CCND3: variants seen among roughly 807,000 people sequenced by gnomAD.
CCND3 encodes the protein G1/S-specific cyclin-D3.
In CCND3, 9 loss-of-function variants were observed where a neutral mutation model predicts 28.7. The ratio of observed to expected loss-of-function variants is 0.31; its 90% CI spans 0.19 to 0.55. CCND3 has a LOEUF of 0.55. Ranked by LOEUF, CCND3 falls within the 20% of genes least tolerant of loss-of-function variation. The probability of loss-of-function intolerance (pLI) is 0.93; values close to 1 mark genes in which losing one functional copy is unlikely to be tolerated. For synonymous variants in CCND3, 164 were observed against 163.9 expected, an observed-to-expected ratio of 1.00 and a Z score of 0.00; for missense variants, 315 against 385.8, an observed-to-expected ratio of 0.82 and a Z score of 1.54.
chr6:41,968,522 C>T (rs1761949244), intron 1 of CCND3, among the ~76,000 whole-genome samples: 1 of 151,928 alleles, frequency 6.6e-6, no homozygotes, highest in Non-Finnish European at 1.5e-5. Flanking sequence ...GCCCAGAAGT[C>T]CAAGCTATGA....
At chr6:41,951,610 A>C (rs1459766943) in intron 1 of CCND3, among the ~76,000 whole-genome samples, 1 of 150,650 alleles carries the variant, frequency 6.6e-6, no homozygotes, top group Non-Finnish European at 1.5e-5. Context: ...AGAAGAGAGA[A>C]GCAGGAAGAA....
intron 1 of CCND3, among the ~76,000 whole-genome samples, chr6:42,027,967 A>G (rs771287007): frequency 6.6e-6 from 1 of 152,090 alleles, no homozygotes; most frequent in Admixed American, 6.6e-5. Flanking sequence ...GGCTGGTCTC[A>G]AACTCCCGAC....
intron 1 of CCND3, among the ~76,000 whole-genome samples, chr6:41,985,286 T>A (rs1030268604): frequency 5.3e-5 from 8 of 151,406 alleles, no homozygotes; most frequent in African/African-American, 7.3e-5. Context: ...TTTTACAGTT[T>A]CAGGTCTCAG....
intron 1 of CCND3, among the ~76,000 whole-genome samples, chr6:41,994,939 G>A (rs1762753282): frequency 6.6e-6 from 1 of 151,938 alleles, no homozygotes; most frequent in Admixed American, 6.6e-5. Context: ...AGGCGTGGTG[G>A]CAGCCGCCTG....
At chr6:42,044,581 G>A (rs1379117932) in intron 1 of CCND3, among the ~76,000 whole-genome samples, 2 of 152,170 alleles carry the variant, frequency 1.3e-5, no homozygotes, top group Non-Finnish European at 2.9e-5. Flanking sequence ...AAAGTTCTAC[G>A]TTTTTTGAAA....
Position 42,045,076 on chromosome 6 carries a change from T to G in CCND3, c.-46+3425A>C, listed in dbSNP as rs192974947. 2.1e-3 allele frequency among the ~76,000 whole-genome samples: 315 copies of G among 151,974 alleles called. 1 individual carries two copies. Among genetic ancestry groups the G allele is most frequent in the East Asian group, 3.7e-3 (19 of 5,168 alleles). On this transcript the variant is annotated intron_variant, in intron 1 of 4. Transcript: ENST00000372988. ...ACCTTGGCCTCCCAAAGTGCTGGGA[T>G]TACAGGCGTGAGCCACTGTGCCCAG...
rs565574387 is a variant in CCND3, at chr6:41,988,798, A to T, written c.-45-48213T>A. The stretch of plus-strand genomic sequence containing the variant: ...ACTGCAAGCTCCGCCTCCCGGGTTC[A>T]CGCCATTCTCCTGCCTGAGGCTCCC... On this transcript the variant is annotated intron_variant, in intron 1 of 4. Coordinates refer to the CCND3 transcript ENST00000372988. Among the ~76,000 whole-genome samples the T allele has an allele frequency of 1.6e-4, 23 of 144,404 alleles. No individual in the cohort carries two copies. In the East Asian group the frequency reaches 4.2e-3, roughly 27 times the overall value. 94.7% of individuals were successfully genotyped at this position (144,404 alleles called of 152,430 possible).
chr6:42,048,635 C>G lies in CCND3; in HGVS notation c.-180G>C, dbSNP rs142318552. ...CGAGGAGAGGATTGCACCTCTCCCC[C>G]CCGGCCGGCATCCGAACAGAGCCAG... On this transcript the variant is annotated 5_prime_UTR_variant, in exon 1 of 5. Coordinates refer to the CCND3 transcript ENST00000372988. This position sits in a 1 kb window ranked among gnomAD's most constrained non-coding sequence, Gnocchi z 4.7. The G allele has an allele frequency of 5.0e-4, 260 of 518,252 alleles. 1 individual carries two copies. Among genetic ancestry groups the G allele is most frequent in the African/African-American group, 2.7e-3 (141 of 52,062 alleles). 32.1% of individuals were successfully genotyped at this position (518,252 alleles called of 1,614,324 possible).
At chr6:41,942,660 C>G (rs1561953936), upstream of CCND3, among the ~76,000 whole-genome samples, 1 of 152,112 alleles carries the variant, frequency 6.6e-6, no homozygotes, top group Admixed American at 6.5e-5. Context: ...TGCACAGACT[C>G]TGTGAGATCT....
upstream of CCND3, among the ~76,000 whole-genome samples, chr6:41,945,350 C>T (rs1265451197): frequency 6.6e-6 from 1 of 152,194 alleles, no homozygotes; most frequent in Non-Finnish European, 1.5e-5. Flanking sequence ...CTTGTCTCTA[C>T]TAAAAATACA....
At chr6:41,986,964 T>C (rs1350983039) in intron 1 of CCND3, among the ~76,000 whole-genome samples, 1 of 152,092 alleles carries the variant, frequency 6.6e-6, no homozygotes, top group Non-Finnish European at 1.5e-5. Flanking sequence ...CTTCATAGTA[T>C]AATATGCTAC....
At chr6:41,976,528 C>T (rs1015520458) in intron 1 of CCND3, among the ~76,000 whole-genome samples, 30 of 152,078 alleles carry the variant, frequency 2.0e-4, no homozygotes, top group Admixed American at 5.2e-4. Context: ...TGGCACACAC[C>T]TGTAGTCTCA....
At chr6:42,017,118 T>G (rs574530791) in intron 1 of CCND3, among the ~76,000 whole-genome samples, 1 of 152,300 alleles carries the variant, frequency 6.6e-6, no homozygotes, top group African/African-American at 2.4e-5. Context: ...TTTCTGTCCC[T>G]TGCCCTGGCC....
chr6:41,935,294 C>CAATT lies in CCND3; in HGVS notation c.*642_*645dup, dbSNP rs776899963. 4 of 233,798 alleles carry CAATT rather than the reference C, an allele frequency of 1.7e-5. No homozygotes were observed. Among genetic ancestry groups the CAATT allele is most frequent in the Non-Finnish European group, 2.5e-5 (3 of 118,198 alleles). 14.5% of individuals were successfully genotyped at this position (233,798 alleles called of 1,614,324 possible). ...TGTCCTCTTAAAGTTGTGCTCAAAG[C>CAATT]AATTAATAAATTAAAATGAGCCTTC... On this transcript the variant is annotated 3_prime_UTR_variant, in exon 5 of 5. Coordinates refer to ENST00000372991, the MANE Select transcript of CCND3 (RefSeq NM_001760.5).
intron 1 of CCND3, among the ~76,000 whole-genome samples, chr6:42,027,879 C>G (rs1022712850): frequency 6.6e-6 from 1 of 152,130 alleles, no homozygotes; most frequent in African/African-American, 2.4e-5. Flanking sequence ...TCCCAAGTAG[C>G]TGGGATTACA....
intron 1 of CCND3, among the ~76,000 whole-genome samples, chr6:42,044,316 TCAG>T: frequency 6.6e-6 from 1 of 152,236 alleles, no homozygotes. Flanking sequence ...CTGAAACCAG[TCAG>T]CGCCTGAAGA....
intron 1 of CCND3, among the ~76,000 whole-genome samples, chr6:42,043,365 G>A (rs1055277500): frequency 3.3e-5 from 5 of 152,152 alleles, no homozygotes; most frequent in Non-Finnish European, 7.3e-5. Context: ...GTGAAACCTC[G>A]TCAAAGATAC....
intron 1 of CCND3, among the ~76,000 whole-genome samples, chr6:42,041,615 G>A (rs1764374348): frequency 6.6e-6 from 1 of 152,144 alleles, no homozygotes; most frequent in South Asian, 2.1e-4. Flanking sequence ...CCTAGGGGCC[G>A]GCTGCTGGGA....
intron 1 of CCND3, among the ~76,000 whole-genome samples, chr6:42,015,322 G>A (rs537981664): frequency 1.5e-4 from 23 of 152,190 alleles, no homozygotes; most frequent in African/African-American, 5.1e-4. Flanking sequence ...CAGGGGAGTC[G>A]ACATTAGCTG....
Sources: allele counts gnomAD v4.1 joint callset (sites outside exome capture counted in the v4.1 genomes callset), GRCh38; gene constraint gnomAD v4.1.1; non-coding constraint Gnocchi (gnomAD v3.1); transcripts MANE v1.5; gene names NCBI Gene and HGNC (gene_info 2026-07-23, HGNC 2026-07-21).